The following DAPK1 variants were observed in gnomAD, a reference collection of about 807,000 sequenced individuals.
The protein encoded by DAPK1 is death associated protein kinase 1, also known as death-associated protein kinase 1.
A neutral mutation model predicts 144.9 loss-of-function variants in DAPK1; 56 were observed. The ratio of observed to expected loss-of-function variants is 0.39; its 90% CI spans 0.31 to 0.48. The LOEUF is 0.48. DAPK1 is among the 20% of genes least tolerant of loss of function. The pLI is 0.95. For synonymous variants in DAPK1, 690 were observed against 749.0 expected (o/e 0.92, Z 1.29); for missense variants, 1,454 against 1,875.4 (o/e 0.78, Z 4.15).
At chr9:87,681,002 G>C (rs1824595604) in intron 19 of DAPK1, among the ~76,000 whole-genome samples, 1 of 152,220 alleles carries the variant, frequency 6.6e-6, no homozygotes, top group Admixed American at 6.5e-5. Flanking sequence ...CATACCGCCA[G>C]GCACGGTGGC....
intron 24 of DAPK1, chr9:87,701,826 C>G (rs1288797449): frequency 4.3e-6 from 2 of 467,594 alleles, no homozygotes; most frequent in African/African-American, 4.0e-5. Context: ...AAACCCTTTC[C>G]TGTCTCCAGA....
In DAPK1 at chr9:87,686,872, G is replaced by A; in HGVS notation, c.2413+133G>A. On this transcript the variant is annotated intron_variant, in intron 21 of 25. Coordinates refer to ENST00000408954, the MANE Select transcript of DAPK1 (RefSeq NM_004938.4). The surrounding 1 kb of genome is among the most constrained non-coding windows in gnomAD (Gnocchi z 4.2). Reference sequence around the variant, plus strand: ...GAAATCCAACACAGACTGATATTCAGAGTGAGCCAGGACTGAAGCATGGCT... The same window carrying A: ...GAAATCCAACACAGACTGATATTCAAAGTGAGCCAGGACTGAAGCATGGCT... 2 of 1,429,190 alleles carry A rather than the reference G, an allele frequency of 1.4e-6. No homozygotes were observed. Among genetic ancestry groups the A allele is most frequent in the South Asian group, 1.5e-5 (1 of 68,530 alleles). 88.5% of individuals were successfully genotyped at this position (1,429,190 alleles called of 1,614,324 possible).
intron 2 of DAPK1, among the ~76,000 whole-genome samples, chr9:87,567,755 C>G (rs1587725774): frequency 6.6e-6 from 1 of 152,222 alleles, no homozygotes; most frequent in East Asian, 1.9e-4. Flanking sequence ...CCGAATGAGT[C>G]TGTGAGCCCC....
intron 2 of DAPK1, among the ~76,000 whole-genome samples, chr9:87,520,263 T>G (rs1196048563): frequency 3.3e-5 from 5 of 152,150 alleles, no homozygotes; most frequent in Non-Finnish European, 7.4e-5. Flanking sequence ...AAAAATAGGC[T>G]TCTGGTGCTG....
chr9:87,638,176 C>T, intron 4 of DAPK1, 95 bp downstream of exon 4: 1 of 1,303,530 alleles, frequency 7.7e-7, no homozygotes, highest in Non-Finnish European at 1.1e-6. Flanking sequence ...GAAAGAGTTA[C>T]ATGATTTTCC....
chr9:87,626,492 C>T (rs1007546208), intron 3 of DAPK1, among the ~76,000 whole-genome samples: 1 of 152,170 alleles, frequency 6.6e-6, no homozygotes, highest in Non-Finnish European at 1.5e-5. Flanking sequence ...AAAGCAACTT[C>T]ATGAACTGCT....
intron 19 of DAPK1, among the ~76,000 whole-genome samples, chr9:87,669,402 A>G (rs2119280128): frequency 6.6e-6 from 1 of 152,176 alleles, no homozygotes; most frequent in South Asian, 2.1e-4. Context: ...AATAATCTCT[A>G]CTATGTTAAA....
intron 2 of DAPK1, among the ~76,000 whole-genome samples, chr9:87,563,604 A>G (rs7865861): frequency 0.63 from 95,237 of 152,008 alleles, 30,393 homozygotes; most frequent in African/African-American, 0.72. Flanking sequence ...GCTTTTATGT[A>G]AAGATGCTCT....
chr9:87,525,414 A>G, intron 2 of DAPK1: 1 of 1,611,302 alleles, frequency 6.2e-7, no homozygotes, highest in East Asian at 2.2e-5. Context: ...TATGGCCTCA[A>G]TATGTGCCGC....
In DAPK1 at chr9:87,525,301, G is replaced by A. The variant is rs527259100; in HGVS notation, c.62+26162G>A. On this transcript the variant is annotated intron_variant, in intron 2 of 25. Transcript: ENST00000408954. Reference sequence around the variant, plus strand: ...TACCTCGTTGCACTCCTGAGAGCAAGATGGGTCACCAGCAGCTGTACTGGA... The same window carrying A: ...TACCTCGTTGCACTCCTGAGAGCAAAATGGGTCACCAGCAGCTGTACTGGA... 3.1e-5 allele frequency: 50 copies of A among 1,606,834 alleles called. No homozygotes were observed. In the East Asian group the frequency reaches 3.3e-4, roughly 11 times the overall value.
At chr9:87,661,788 C>G (rs1041536001) in intron 18 of DAPK1, among the ~76,000 whole-genome samples, 4 of 152,172 alleles carry the variant, frequency 2.6e-5, no homozygotes, top group African/African-American at 9.7e-5. Context: ...TGTCTGTTCA[C>G]TCTGTTGATT....
chr9:87,544,206 A>AT (rs1485632806), intron 2 of DAPK1, among the ~76,000 whole-genome samples: 5 of 152,166 alleles, frequency 3.3e-5, no homozygotes, highest in African/African-American at 1.2e-4. Context: ...ACAATGACAA[A>AT]TTTTCATACA....
chr9:87,510,733 T>C (rs976507012), intron 2 of DAPK1, among the ~76,000 whole-genome samples: 3 of 152,208 alleles, frequency 2.0e-5, no homozygotes, highest in African/African-American at 7.2e-5. Context: ...ATGCAGAAAT[T>C]AGAACAGTGT....
intron 2 of DAPK1, among the ~76,000 whole-genome samples, chr9:87,544,099 C>G (rs1326550633): frequency 6.6e-6 from 1 of 152,140 alleles, no homozygotes; most frequent in Non-Finnish European, 1.5e-5. Flanking sequence ...ATACAAGCAA[C>G]ATAATTCATT....
At chr9:87,665,731 A>G (rs1270707017) in intron 18 of DAPK1, among the ~76,000 whole-genome samples, 7 of 152,062 alleles carry the variant, frequency 4.6e-5, no homozygotes, top group African/African-American at 9.7e-5. Context: ...TCACCTTTCC[A>G]TGGATTTCTT....
At chr9:87,622,250 C>G (rs949734455) in intron 3 of DAPK1, among the ~76,000 whole-genome samples, 9 of 152,082 alleles carry the variant, frequency 5.9e-5, no homozygotes, top group African/African-American at 1.9e-4. Flanking sequence ...GAATCAGAAA[C>G]TGAGCCAATG....
intron 3 of DAPK1, among the ~76,000 whole-genome samples, chr9:87,625,637 C>G (rs950848942): frequency 6.6e-6 from 1 of 152,202 alleles, no homozygotes; most frequent in Non-Finnish European, 1.5e-5. Flanking sequence ...ATCTGCTGCT[C>G]TGGGCCCACA....
intron 2 of DAPK1, among the ~76,000 whole-genome samples, chr9:87,513,845 T>C (rs1467143844): frequency 6.6e-6 from 1 of 152,196 alleles, no homozygotes; most frequent in Non-Finnish European, 1.5e-5. Flanking sequence ...TTGCTTCCTC[T>C]AAACCAGGTG....
chr9:87,551,782 A>G (rs1826494601), intron 2 of DAPK1, among the ~76,000 whole-genome samples: 1 of 152,184 alleles, frequency 6.6e-6, no homozygotes, highest in Admixed American at 6.5e-5. Flanking sequence ...AGAAGCTGTA[A>G]CCAAGCCGGA....
Sources: allele counts gnomAD v4.1 joint callset (sites outside exome capture counted in the v4.1 genomes callset), GRCh38; gene constraint gnomAD v4.1.1; non-coding constraint Gnocchi (gnomAD v3.1); transcripts MANE v1.5; gene names NCBI Gene and HGNC (gene_info 2026-07-23, HGNC 2026-07-21).